Variants in RPS6KA5 observed in about 807,000 individuals in gnomAD.
The protein encoded by RPS6KA5 is ribosomal protein S6 kinase A5.
A neutral mutation model predicts 85.5 loss-of-function variants in RPS6KA5; 27 were observed. The observed-to-expected ratio is 0.32, with a 90% CI of 0.23 to 0.44. RPS6KA5 has a LOEUF of 0.44. RPS6KA5 is among the 20% of genes least tolerant of loss of function. RPS6KA5 has a pLI of 1.00. For synonymous variants in RPS6KA5, 334 were observed against 348.2 expected (o/e 0.96, Z 0.46); for missense variants, 811 against 980.9 (o/e 0.83, Z 2.31).
At chr14:90,970,683 C>CA (rs2039278058) in intron 3 of RPS6KA5, among the ~76,000 whole-genome samples, 1 of 152,116 alleles carries the variant, frequency 6.6e-6, no homozygotes, top group Non-Finnish European at 1.5e-5. Flanking sequence ...AATTCCCTCT[C>CA]AGTGTTAGTT....
rs148475607 is a variant in RPS6KA5 at position 90,939,207 on chromosome 14, A to G, written c.618+3871T>C. Among the ~76,000 whole-genome samples, 152 of 152,320 alleles carry G rather than the reference A, an allele frequency of 1.0e-3. 2 individuals are homozygous for G. The highest frequency in any genetic ancestry group is 4.2e-3 in the Admixed American group (64 of 15,306). On this transcript the variant is annotated intron_variant, in intron 5 of 16. Coordinates refer to ENST00000614987, the MANE Select transcript of RPS6KA5 (RefSeq NM_004755.4). ...TCTTTGCTAAAACATTACAAGAGTT[A>G]CCTTTGTTCTACTTCCCACCAAGTT... is the stretch of plus-strand genomic sequence containing the variant.
At chr14:90,945,069 T>C (rs552674416) in intron 4 of RPS6KA5, among the ~76,000 whole-genome samples, 1 of 151,860 alleles carries the variant, frequency 6.6e-6, no homozygotes, top group Non-Finnish European at 1.5e-5. Flanking sequence ...CTGGGCAACA[T>C]GGCAAAACCC....
intron 5 of RPS6KA5, among the ~76,000 whole-genome samples, chr14:90,930,347 AAAAGGT>A (rs1413349883): frequency 6.6e-6 from 1 of 152,212 alleles, no homozygotes; most frequent in African/African-American, 2.4e-5. Context: ...ACAAATACTT[AAAAGGT>A]AATTGGGTTA....
intron 5 of RPS6KA5, among the ~76,000 whole-genome samples, chr14:90,925,776 TAAAAA>T (rs539281208): frequency 7.5e-6 from 1 of 134,046 alleles, no homozygotes. Context: ...ACAAAAAAAT[TAAAAA>T]AAAAAAAAAC....
At chr14:91,054,825 T>C (rs889110931) in intron 1 of RPS6KA5, among the ~76,000 whole-genome samples, 12 of 152,006 alleles carry the variant, frequency 7.9e-5, no homozygotes, top group Admixed American at 2.6e-4. Flanking sequence ...TTAAAGACTT[T>C]TGTGCTCCTA....
chr14:91,038,083 C>G (rs1364909016), intron 1 of RPS6KA5, among the ~76,000 whole-genome samples: 1 of 152,170 alleles, frequency 6.6e-6, no homozygotes, highest in Non-Finnish European at 1.5e-5. Flanking sequence ...TGATCTCTGC[C>G]TGGTTTCCAA....
At chr14:90,964,929 A>C (rs1255784314) in intron 3 of RPS6KA5, among the ~76,000 whole-genome samples, 138 of 148,662 alleles carry the variant, frequency 9.3e-4, no homozygotes, top group African/African-American at 3.1e-3. Context: ...AAAAAAAAAA[A>C]AAAAAACCAA....
Position 91,060,413 on chromosome 14 carries a change from T to G in RPS6KA5, c.22A>C (p.Ser8Arg), listed in dbSNP as rs372919173. 39 of 1,505,120 alleles carry G rather than the reference T, an allele frequency of 2.6e-5. No individual in the cohort carries two copies. Among genetic ancestry groups the G allele is most frequent in the Middle Eastern group, 3.5e-4 (2 of 5,664 alleles). 93.2% of individuals were successfully genotyped at this position (1,505,120 alleles called of 1,614,324 possible). Residue 8 changes from serine (S) to arginine (R), a missense_variant, in exon 1 of 17, where the codon AGC becomes CGC. Coordinates refer to ENST00000614987, the MANE Select transcript of RPS6KA5 (RefSeq NM_004755.4). ...GCGCTGGTCCCCGCGGCGCCGCCGC[T>G]GCTGCCACCCTCCTCCTCCATCTTC... is the stretch of plus-strand genomic sequence containing the variant. MEEEGGS[S>R]GGAAGTSADG...
chr14:90,951,631 G>A (rs943225270), intron 3 of RPS6KA5, among the ~76,000 whole-genome samples: 1 of 152,110 alleles, frequency 6.6e-6, no homozygotes, highest in African/African-American at 2.4e-5. Context: ...GGGCACCAAA[G>A]GGCTATTCAA....
At chr14:90,894,199 A>T (rs1489715839) in intron 13 of RPS6KA5, 1 of 1,204,190 alleles carries the variant, frequency 8.3e-7, no homozygotes, top group Admixed American at 4.1e-5. Flanking sequence ...TATAACCTCA[A>T]GATGATCAGC....
chr14:90,924,155 T>C (rs999929413), intron 5 of RPS6KA5, among the ~76,000 whole-genome samples: 1 of 152,142 alleles, frequency 6.6e-6, no homozygotes, highest in African/African-American at 2.4e-5. Context: ...GAAGTCCCAA[T>C]CACTGAGAAT....
intron 1 of RPS6KA5, chr14:91,059,959 C>A: frequency 1.2e-5 from 11 of 885,552 alleles, no homozygotes; most frequent in Non-Finnish European, 1.5e-5. Context: ...GCGCCGCTCG[C>A]CCCACGCGGA....
intron 7 of RPS6KA5, among the ~76,000 whole-genome samples, chr14:90,909,829 G>A (rs1409244434): frequency 2.0e-5 from 3 of 152,146 alleles, no homozygotes; most frequent in Non-Finnish European, 2.9e-5. Context: ...TTCTCGCTCT[G>A]TTGCCAGGTT....
At chr14:90,906,108 G>A (rs370458583) in intron 8 of RPS6KA5, 41 bp downstream of exon 8, 18 of 1,520,942 alleles carry the variant, frequency 1.2e-5, no homozygotes, top group Middle Eastern at 1.8e-4. Context: ...CCCTGAAAAC[G>A]GCAAGGAGTA....
intron 4 of RPS6KA5, among the ~76,000 whole-genome samples, chr14:90,945,461 C>T (rs575162854): frequency 1.3e-5 from 2 of 152,316 alleles, no homozygotes; most frequent in South Asian, 2.1e-4. Flanking sequence ...TTACTATCTG[C>T]GTCACCTCAT....
intron 3 of RPS6KA5, among the ~76,000 whole-genome samples, chr14:90,972,454 C>A (rs1405208359): frequency 6.6e-6 from 1 of 152,210 alleles, no homozygotes; most frequent in Middle Eastern, 3.4e-3. Flanking sequence ...CAAATAGACC[C>A]AAACATATAT....
intron 15 of RPS6KA5, 36 bp from the exon 16 acceptor site, chr14:90,873,831 AT>A: frequency 1.9e-6 from 3 of 1,579,702 alleles, no homozygotes; most frequent in Non-Finnish European, 1.7e-6. Flanking sequence ...ATGATTTGTC[AT>A]TTTAAACATG....
At position 90,860,774 on chromosome 14, in the gene RPS6KA5, T is replaced by C. The variant is rs1026068899; in HGVS notation, c.*11300A>G. Reference sequence around the variant, plus strand: ...AGAAGACTGGCACTAAAATAAATACTAAAGAGAATTCTCCAGATGAAGAAA... The same window carrying C: ...AGAAGACTGGCACTAAAATAAATACCAAAGAGAATTCTCCAGATGAAGAAA... On this transcript the variant is annotated 3_prime_UTR_variant, in exon 17 of 17. Transcript: ENST00000614987. 2 of 150,910 alleles carry C rather than the reference T, an allele frequency of 1.3e-5. No homozygotes were observed. Among genetic ancestry groups the C allele is most frequent in the South Asian group, 2.1e-4 (1 of 4,794 alleles). 9.3% of individuals were successfully genotyped at this position (150,910 alleles called of 1,614,324 possible).
chr14:90,915,931 A>C (rs1479926619), intron 7 of RPS6KA5, among the ~76,000 whole-genome samples: 1 of 152,062 alleles, frequency 6.6e-6, no homozygotes, highest in African/African-American at 2.4e-5. Flanking sequence ...AAAGCTAAAA[A>C]CCAATCATTC....
Sources: allele counts gnomAD v4.1 joint callset (sites outside exome capture counted in the v4.1 genomes callset), GRCh38; gene constraint gnomAD v4.1.1; transcripts MANE v1.5; gene names NCBI Gene and HGNC (gene_info 2026-07-23, HGNC 2026-07-21).